EEPD1: variants seen among roughly 807,000 people sequenced by gnomAD.
The protein encoded by EEPD1 is endonuclease/exonuclease/phosphatase family domain-containing protein 1.
EEPD1 carries 17 observed loss-of-function variants against 46.3 expected under a neutral mutation model. That is an observed-to-expected ratio of 0.37 (90% confidence interval 0.25 to 0.55). The LOEUF (loss-of-function observed/expected upper bound fraction) is 0.55. Among genes scored for constraint, EEPD1 ranks in the 20% least tolerant of loss-of-function variants. EEPD1 has a pLI of 0.83. For synonymous variants in EEPD1, 313 were observed against 315.6 expected, an observed-to-expected ratio of 0.99 and a Z score of 0.09; for missense variants, 673 against 745.6, an observed-to-expected ratio of 0.90 and a Z score of 1.13.
intron 3 of EEPD1, among the ~76,000 whole-genome samples, chr7:36,271,642 T>C (rs897428374): frequency 6.7e-6 from 1 of 149,384 alleles, no homozygotes; most frequent in Non-Finnish European, 1.5e-5. Context: ...ATTTTGGCTT[T>C]TGTTGCCATT....
intron 2 of EEPD1, among the ~76,000 whole-genome samples, chr7:36,156,177 C>T (rs1048907839): frequency 3.3e-5 from 5 of 152,040 alleles, no homozygotes; most frequent in Non-Finnish European, 5.9e-5. Flanking sequence ...GTGAGGCTGG[C>T]GGCGGGGGGG....
At chr7:36,206,877 C>T (rs1238747148) in intron 2 of EEPD1, among the ~76,000 whole-genome samples, 5 of 152,052 alleles carry the variant, frequency 3.3e-5, no homozygotes, top group South Asian at 2.1e-4. Flanking sequence ...GGTGAAACAC[C>T]GTCTCTACCA....
chr7:36,284,862 T>C, intron 5 of EEPD1, 42 bp downstream of exon 5: 2 of 1,435,116 alleles, frequency 1.4e-6, no homozygotes, highest in African/African-American at 3.0e-5. Flanking sequence ...TCTGCTTCTT[T>C]CTAAAAAGGA....
intron 2 of EEPD1, among the ~76,000 whole-genome samples, chr7:36,216,991 T>C (rs1052150742): frequency 3.9e-5 from 6 of 152,276 alleles, no homozygotes; most frequent in African/African-American, 1.4e-4. Context: ...CATAACTATA[T>C]GCTTTATAAA....
intron 2 of EEPD1, among the ~76,000 whole-genome samples, chr7:36,159,306 A>G (rs1218103107): frequency 3.3e-5 from 5 of 152,226 alleles, no homozygotes. Flanking sequence ...GGGCAGGTCA[A>G]AAGGAGTGAT....
chr7:36,239,919 T>G (rs116566958), intron 3 of EEPD1, among the ~76,000 whole-genome samples: 1 of 152,198 alleles, frequency 6.6e-6, no homozygotes, highest in Admixed American at 6.5e-5. Flanking sequence ...CCAAACGATA[T>G]TCATTTGTTT....
At chr7:36,228,413 G>C (rs183428135) in intron 2 of EEPD1, among the ~76,000 whole-genome samples, 3 of 152,198 alleles carry the variant, frequency 2.0e-5, no homozygotes, top group Admixed American at 1.3e-4. Flanking sequence ...TGTAGTCCCA[G>C]CTACTCAGGA....
At chr7:36,164,715 C>G (rs902250790) in intron 2 of EEPD1, among the ~76,000 whole-genome samples, 4 of 152,074 alleles carry the variant, frequency 2.6e-5, no homozygotes, top group African/African-American at 9.7e-5. Flanking sequence ...ATATTTTGGT[C>G]AATGATAGAT....
intron 4 of EEPD1, among the ~76,000 whole-genome samples, chr7:36,282,654 A>G (rs1281416563): frequency 6.6e-6 from 1 of 152,262 alleles, no homozygotes; most frequent in Non-Finnish European, 1.5e-5. Flanking sequence ...GGGTGGCTAT[A>G]GGATTTTAAA....
chr7:36,245,068 C>T (rs1786615458), intron 3 of EEPD1, among the ~76,000 whole-genome samples: 1 of 152,080 alleles, frequency 6.6e-6, no homozygotes, highest in African/African-American at 2.4e-5. Context: ...GCCTCAGCCT[C>T]CTGAGTAGCT....
chr7:36,168,760 A>AC (rs1554309705), intron 2 of EEPD1, among the ~76,000 whole-genome samples: 2 of 151,176 alleles, frequency 1.3e-5, no homozygotes, highest in Non-Finnish European at 3.0e-5. Context: ...TCTGTCTCAA[A>AC]AAAAAAAAAA....
At chr7:36,240,605 G>T (rs1786541279) in intron 3 of EEPD1, among the ~76,000 whole-genome samples, 2 of 152,202 alleles carry the variant, frequency 1.3e-5, no homozygotes, top group African/African-American at 4.8e-5. Flanking sequence ...GGCTATAAAA[G>T]ACATCATCGG....
chr7:36,225,371 G>A lies in EEPD1; in HGVS notation c.879-13614G>A, dbSNP rs557765002. 3.3e-5 allele frequency among the ~76,000 whole-genome samples: 5 copies of A among 152,250 alleles called. No individual in the cohort carries two copies. Among genetic ancestry groups the A allele is most frequent in the Admixed American group, 6.5e-5 (1 of 15,278 alleles). The stretch of plus-strand genomic sequence containing the variant: ...GACCACCCACATTCAGATTTTTGGC[G>A]TTGGTGATTATTGAAATCAGTGATC... On this transcript the variant is annotated intron_variant, in intron 2 of 7. Transcript: ENST00000242108. The surrounding 1 kb of genome is among the most constrained non-coding windows in gnomAD (Gnocchi z 4.2).
Position 36,237,090 on chromosome 7 carries a change from A to C in EEPD1, c.879-1895A>C, listed in dbSNP as rs548852335. On this transcript the variant is annotated intron_variant, in intron 2 of 7. Coordinates refer to ENST00000242108, the MANE Select transcript of EEPD1 (RefSeq NM_030636.3). ...GGAGACCACCAACCCACCAGGAGGA[A>C]CGAACAACTCCACACGCGCCGCCTT... Among the ~76,000 whole-genome samples, 12 of 152,338 alleles carry C rather than the reference A, an allele frequency of 7.9e-5. No homozygotes were observed. The South Asian group carries it at 2.5e-3, about 32-fold the overall frequency.
chr7:36,286,179 T>A (rs970221978), intron 5 of EEPD1, among the ~76,000 whole-genome samples: 3 of 152,186 alleles, frequency 2.0e-5, no homozygotes, highest in African/African-American at 7.2e-5. Flanking sequence ...AAAATGCTGG[T>A]TAGCCCAAAT....
chr7:36,185,569 A>G (rs1785349253), intron 2 of EEPD1, among the ~76,000 whole-genome samples: 1 of 104,968 alleles, frequency 9.5e-6, no homozygotes, highest in Non-Finnish European at 2.0e-5. Flanking sequence ...CACTGGTATG[A>G]GGCATCCATG....
At chr7:36,218,969 A>C (rs1786082832) in intron 2 of EEPD1, among the ~76,000 whole-genome samples, 1 of 152,112 alleles carries the variant, frequency 6.6e-6, no homozygotes, top group Non-Finnish European at 1.5e-5. Context: ...AGAAGTGTTA[A>C]TACTGGGTTT....
chr7:36,239,280 C>T (rs184505949), intron 3 of EEPD1, among the ~76,000 whole-genome samples: 10 of 152,282 alleles, frequency 6.6e-5, no homozygotes, highest in African/African-American at 2.2e-4. Flanking sequence ...GTGTGAAAGG[C>T]AGAGGCCCGT....
At chr7:36,289,774 G>A (rs1052182843) in intron 6 of EEPD1, among the ~76,000 whole-genome samples, 13 of 152,312 alleles carry the variant, frequency 8.5e-5, no homozygotes, top group Middle Eastern at 6.8e-3. Flanking sequence ...GATTACAGGC[G>A]TGAGCCACAG....
Sources: gnomAD v4.1 joint callset for allele counts (sites outside exome capture counted in the v4.1 genomes callset) on GRCh38, gnomAD v4.1.1 for gene constraint, Gnocchi (gnomAD v3.1) non-coding constraint, MANE v1.5 for transcripts, NCBI Gene and HGNC (gene_info 2026-07-23, HGNC 2026-07-21) for gene names.